The following ISOC1 variants were observed in gnomAD, a reference collection of about 807,000 sequenced individuals.
ISOC1 encodes the protein isochorismatase domain-containing protein 1.
A neutral mutation model predicts 30.0 loss-of-function variants in ISOC1; 33 were observed. The observed-to-expected ratio is 1.10, with a 90% CI of 0.83 to 1.47. The LOEUF (loss-of-function observed/expected upper bound fraction) is 1.47. Ranked by LOEUF, ISOC1 falls within the 40% of genes most tolerant of loss-of-function variation. The pLI is 0.00. For synonymous variants in ISOC1, 178 were observed against 159.8 expected (o/e 1.11, Z -0.86); for missense variants, 372 against 388.0 (o/e 0.96, Z 0.35).
chr5:129,113,989 G>A lies in ISOC1; in HGVS notation c.*988G>A, dbSNP rs1310218173. 1 of 152,262 alleles carries A rather than the reference G, an allele frequency of 6.6e-6. No homozygotes were observed. The highest frequency in any genetic ancestry group is 1.5e-5 in the Non-Finnish European group (1 of 68,008). 9.4% of individuals were successfully genotyped at this position (152,262 alleles called of 1,614,324 possible). On this transcript the variant is annotated 3_prime_UTR_variant, in exon 5 of 5. Transcript: ENST00000173527. ...GAAATGTTTTTCAAATATGTGAAAT[G>A]TGAAACTGCTGTCTTTTATATTAAA...
chr5:129,104,985 A>G lies in ISOC1; in HGVS notation c.339A>G (p.Ser113=), dbSNP rs768548089. The change falls in exon 2 of 5, where the codon TCA becomes TCG. Residue 113 remains serine, a synonymous_variant. Coordinates refer to ENST00000173527, the MANE Select transcript of ISOC1 (RefSeq NM_016048.2). ...QLTTLGNLTP[S]STVFFCCDMQ... is the part of the protein sequence containing the mutation. ...CTACCCTGGGAAATCTTACACCTTC[A>G]AGCACTGTGTTTTTCTGCTGTGATA... The G allele has an allele frequency of 2.4e-5, 39 of 1,613,480 alleles. 1 individual carries two copies. The South Asian group carries it at 4.1e-4, about 17-fold the overall frequency.
At chr5:129,106,577 G>A (rs1753640405) in intron 3 of ISOC1, among the ~76,000 whole-genome samples, 1 of 152,136 alleles carries the variant, frequency 6.6e-6, no homozygotes, top group Non-Finnish European at 1.5e-5. Flanking sequence ...GACACTTAGG[G>A]TGAATGAAGA....
chr5:129,104,907 A>G (rs1461562087), intron 1 of ISOC1, 49 bp from the exon 2 acceptor site: 1 of 1,585,626 alleles, frequency 6.3e-7, no homozygotes, highest in Admixed American at 1.7e-5. Flanking sequence ...CTGAAAATAA[A>G]TGTCATTGTA....
At chr5:129,096,965 T>C (rs932620622) in intron 1 of ISOC1, among the ~76,000 whole-genome samples, 7 of 152,214 alleles carry the variant, frequency 4.6e-5, no homozygotes, top group Admixed American at 2.6e-4. Context: ...TGTATGTACC[T>C]GAAAACGCTT....
chr5:129,099,389 A>G (rs1753545242), intron 1 of ISOC1, among the ~76,000 whole-genome samples: 1 of 152,202 alleles, frequency 6.6e-6, no homozygotes, highest in Non-Finnish European at 1.5e-5. Context: ...TAGAAAACTC[A>G]TACCTTAACT....
intron 4 of ISOC1, among the ~76,000 whole-genome samples, chr5:129,108,596 C>T (rs1753666116): frequency 6.6e-6 from 1 of 151,976 alleles, no homozygotes; most frequent in South Asian, 2.1e-4. Flanking sequence ...CTGCAACCTC[C>T]ACTTCCTGGG....
chr5:129,101,180 A>T (rs1753566308), intron 1 of ISOC1, among the ~76,000 whole-genome samples: 23 of 109,604 alleles, frequency 2.1e-4, no homozygotes, highest in African/African-American at 1.1e-3. Context: ...AAAAAAAAAA[A>T]AAAAAAAAAA....
Position 129,113,974 on chromosome 5 carries a change from T to C in ISOC1, c.*973T>C, listed in dbSNP as rs1350297398. On this transcript the variant is annotated 3_prime_UTR_variant, in exon 5 of 5. Coordinates refer to ENST00000173527, the MANE Select transcript of ISOC1 (RefSeq NM_016048.2). ...TTGTTAGAGGGTTTTGAAATGTTTT[T>C]CAAATATGTGAAATGTGAAACTGCT... 1 of 152,220 alleles carries C rather than the reference T, an allele frequency of 6.6e-6. No individual in the cohort carries two copies. The highest frequency in any genetic ancestry group is 1.9e-4 in the East Asian group (1 of 5,202). The allele number at this position is 152,220 out of a possible 1,614,324, so 9.4% of individuals were successfully genotyped here.
At position 129,113,403 on chromosome 5, in the gene ISOC1, A is replaced by C. The variant is rs1208080729; in HGVS notation, c.*402A>C. The C allele has an allele frequency of 6.4e-6, 1 of 156,734 alleles. No homozygotes were observed. Among genetic ancestry groups the C allele is most frequent in the African/African-American group, 2.4e-5 (1 of 41,528 alleles). 9.7% of individuals were successfully genotyped at this position (156,734 alleles called of 1,614,324 possible). ...CTTTTATATTACTGTAAGATGTTAT[A>C]ATGTTAATGTGGATGTAGTGCTTTT... On this transcript the variant is annotated 3_prime_UTR_variant, in exon 5 of 5. Transcript: ENST00000173527.
chr5:129,096,315 G>A lies in ISOC1; in HGVS notation c.309+1240G>A, dbSNP rs769931392. On this transcript the variant is annotated intron_variant, in intron 1 of 4. Coordinates refer to ENST00000173527, the MANE Select transcript of ISOC1 (RefSeq NM_016048.2). ...CTTATTCCTATTATCTGTGTTTTTT[G>A]TACCCATTAACAGTGCCATTTTCTG... Among the ~76,000 whole-genome samples the A allele has an allele frequency of 2.0e-5, 3 of 152,022 alleles. 1 individual carries two copies. Among genetic ancestry groups the A allele is most frequent in the African/African-American group, 4.8e-5 (2 of 41,372 alleles).
intron 1 of ISOC1, 78 bp downstream of exon 1, chr5:129,095,153 G>A: frequency 7.2e-7 from 1 of 1,393,258 alleles, no homozygotes; most frequent in East Asian, 2.7e-5. Flanking sequence ...CCTTCGCCGC[G>A]CTCCTCAGGT....
rs112140066 is a variant in ISOC1 at position 129,098,897 on chromosome 5, A to C, written c.309+3822A>C. ...TTCATGGTGGGAAGGGAGGGAAGGC[A>C]GGAGGAAAGGAACCTTGTTCGCCTT... On this transcript the variant is annotated intron_variant, in intron 1 of 4. Coordinates refer to ENST00000173527, the MANE Select transcript of ISOC1 (RefSeq NM_016048.2). Among the ~76,000 whole-genome samples, 106 of 152,294 alleles carry C rather than the reference A, an allele frequency of 7.0e-4. 1 individual carries two copies. The highest frequency in any genetic ancestry group is 2.4e-3 in the African/African-American group (100 of 41,572).
chr5:129,095,154 C>A, intron 1 of ISOC1, 79 bp downstream of exon 1: 1 of 1,387,882 alleles, frequency 7.2e-7, no homozygotes, highest in Non-Finnish European at 9.5e-7. Flanking sequence ...CTTCGCCGCG[C>A]TCCTCAGGTG....
chr5:129,101,176 A>AG (rs1753566143), intron 1 of ISOC1, among the ~76,000 whole-genome samples: 2 of 106,124 alleles, frequency 1.9e-5, no homozygotes, highest in Admixed American at 1.9e-4. Flanking sequence ...AAAAAAAAAA[A>AG]AAAAAAAAAA....
At chr5:129,104,368 C>A (rs907476014) in intron 1 of ISOC1, among the ~76,000 whole-genome samples, 1 of 152,036 alleles carries the variant, frequency 6.6e-6, no homozygotes, top group Non-Finnish European at 1.5e-5. Flanking sequence ...TTTATACTTA[C>A]AAGCAGCAAC....
intron 4 of ISOC1, among the ~76,000 whole-genome samples, chr5:129,107,772 GGACTA>G (rs1282603505): frequency 6.6e-6 from 1 of 152,012 alleles, no homozygotes; most frequent in African/African-American, 2.4e-5. Flanking sequence ...TGAATTTCTG[GGACTA>G]AGTGGTGTGT....
intron 1 of ISOC1, among the ~76,000 whole-genome samples, chr5:129,103,919 C>T (rs1753601835): frequency 6.6e-6 from 1 of 152,050 alleles, no homozygotes; most frequent in South Asian, 2.1e-4. Flanking sequence ...CTGCAATTTG[C>T]AAAAGAAAGA....
In ISOC1 at chr5:129,094,949, G is replaced by C; in HGVS notation, c.183G>C (p.Gln61His). ...AGTTCCTCAGCCTGTACGGCGACCA[G>C]ATCGACATGCACCGCAAATTCGTGG... is the stretch of plus-strand genomic sequence containing the variant. ...IQKFLSLYGDQIDMHRKFVVQ... is the reference protein window; with the variant it reads ...IQKFLSLYGDHIDMHRKFVVQ... The change falls in exon 1 of 5, where the codon CAG becomes CAC. Residue 61 changes from glutamine to histidine, a missense_variant. Gln to His is a conservative substitution (Grantham distance 24). Transcript: ENST00000173527. 1 of 1,612,222 alleles carries C rather than the reference G, an allele frequency of 6.2e-7. No homozygotes were observed. The highest frequency in any genetic ancestry group is 2.2e-5 in the East Asian group (1 of 44,860).
intron 4 of ISOC1, among the ~76,000 whole-genome samples, chr5:129,111,741 C>T (rs771408052): frequency 1.6e-4 from 25 of 152,160 alleles, no homozygotes; most frequent in Non-Finnish European, 2.9e-4. Context: ...CTGTTCTTTG[C>T]TCTCTTCCTT....
Sources: gnomAD v4.1 joint callset for allele counts (sites outside exome capture counted in the v4.1 genomes callset) on GRCh38, gnomAD v4.1.1 for gene constraint, MANE v1.5 for transcripts, NCBI Gene and HGNC (gene_info 2026-07-23, HGNC 2026-07-21) for gene names.